The following WNT7B variants were observed in gnomAD, a reference collection of about 807,000 sequenced individuals.
WNT7B encodes protein Wnt-7b.
A neutral mutation model predicts 38.2 loss-of-function variants in WNT7B; 19 were observed. That is an observed-to-expected ratio of 0.50 (90% CI 0.35 to 0.73). The LOEUF is 0.73. Ranked by LOEUF, WNT7B falls within the 30% of genes least tolerant of loss-of-function variation. The pLI, the probability that WNT7B is intolerant of heterozygous loss-of-function variation, is 0.01. For missense variants in WNT7B, 423 were observed against 507.9 expected (o/e 0.83, Z 1.61); for synonymous variants, 243 against 209.3 (o/e 1.16, Z -1.39).
At chr22:45,969,628 A>G (rs1329892602) in intron 1 of WNT7B, among the ~76,000 whole-genome samples, 2 of 152,230 alleles carry the variant, frequency 1.3e-5, no homozygotes, top group Non-Finnish European at 2.9e-5. Flanking sequence ...GGGCGCTTCC[A>G]GGCCAACACA....
intron 3 of WNT7B, chr22:45,927,164 C>T (rs1931111244): frequency 3.0e-6 from 3 of 985,070 alleles, no homozygotes; most frequent in Non-Finnish European, 3.6e-6. Context: ...CTGCCTGCCC[C>T]ACGTAGCAGT....
At chr22:45,972,116 G>GCCCCCCCCCCCCCCC in intron 1 of WNT7B, 1 of 530,746 alleles carries the variant, frequency 1.9e-6, no homozygotes, top group Non-Finnish European at 3.3e-6. Context: ...CCCGGGGGGA[G>GCCCCCCCCCCCCCCC]CCCACCCGCC....
chr22:45,939,507 A>T lies in WNT7B; in HGVS notation c.299-8138T>A, dbSNP rs147203550. On this transcript the variant is annotated intron_variant, in intron 2 of 3. Transcript: ENST00000339464. The stretch of plus-strand genomic sequence containing the variant: ...GCTACAGTGTGGATAAAACTCAAAC[A>T]TATCGGCTGGGCACAGTGGCTCACG... 5.5e-3 allele frequency among the ~76,000 whole-genome samples: 836 copies of T among 152,318 alleles called. 9 individuals carry two copies. The highest frequency in any genetic ancestry group is 0.019 in the African/African-American group (806 of 41,558).
chr22:45,931,526 G>T lies in WNT7B; in HGVS notation c.299-157C>A, dbSNP rs918215647. Among the ~76,000 whole-genome samples the T allele has an allele frequency of 2.6e-5, 4 of 152,320 alleles. No homozygotes were observed. In the South Asian group the frequency reaches 8.3e-4, roughly 32 times the overall value. On this transcript the variant is annotated intron_variant, in intron 2 of 3. Transcript: ENST00000339464. ...TCTGTGCCTCTGACTCACCAAAGCG[G>T]GGCTGATGGGAGCCATCTCTCAGGG... is the stretch of plus-strand genomic sequence containing the variant.
chr22:45,934,942 G>A (rs562373478), intron 2 of WNT7B, among the ~76,000 whole-genome samples: 136 of 152,306 alleles, frequency 8.9e-4, no homozygotes, highest in African/African-American at 3.0e-3. Flanking sequence ...CCGTGCGCCC[G>A]GCACGTTGCC....
At chr22:45,943,227 G>A (rs1372990676) in intron 2 of WNT7B, among the ~76,000 whole-genome samples, 1 of 152,110 alleles carries the variant, frequency 6.6e-6, no homozygotes, top group African/African-American at 2.4e-5. Flanking sequence ...TCTCTCTCCA[G>A]CCCCACCCGG....
intron 2 of WNT7B, among the ~76,000 whole-genome samples, chr22:45,943,699 C>T (rs958161007): frequency 4.1e-4 from 63 of 152,212 alleles, no homozygotes; most frequent in African/African-American, 1.4e-3. Context: ...GGGTAAGCCA[C>T]ATGGTCTCCT....
At chr22:45,929,203 T>G (rs986199746) in intron 3 of WNT7B, among the ~76,000 whole-genome samples, 1 of 152,174 alleles carries the variant, frequency 6.6e-6, no homozygotes, top group Non-Finnish European at 1.5e-5. Context: ...CCCAGATGCC[T>G]CCAGGTAGGT....
intron 2 of WNT7B, among the ~76,000 whole-genome samples, chr22:45,931,697 A>C (rs1931366494): frequency 1.3e-5 from 2 of 152,190 alleles, no homozygotes; most frequent in Admixed American, 1.3e-4. Flanking sequence ...AAGACTGGGC[A>C]GGAGAGGCCC....
intron 3 of WNT7B, among the ~76,000 whole-genome samples, chr22:45,927,892 T>C (rs4074735): frequency 6.6e-6 from 1 of 152,012 alleles, no homozygotes; most frequent in African/African-American, 2.4e-5. Flanking sequence ...CAAGACTCCA[T>C]CTCAAAACAA....
chr22:45,942,866 T>C (rs560842216), intron 2 of WNT7B, among the ~76,000 whole-genome samples: 7 of 151,908 alleles, frequency 4.6e-5, no homozygotes, highest in African/African-American at 1.7e-4. Flanking sequence ...TGTGTGTGTG[T>C]GTGTGCGTGT....
chr22:45,963,630 A>C (rs1164255269), intron 1 of WNT7B, among the ~76,000 whole-genome samples: 2 of 151,960 alleles, frequency 1.3e-5, no homozygotes, highest in African/African-American at 4.8e-5. Context: ...GCAGGACCAG[A>C]CCCTGTGGCT....
At chr22:45,957,942 C>A (rs1932110970) in intron 1 of WNT7B, among the ~76,000 whole-genome samples, 1 of 152,210 alleles carries the variant, frequency 6.6e-6, no homozygotes, top group Admixed American at 6.5e-5. Flanking sequence ...CCACCAGGCC[C>A]TCAGCCTCTC....
At chr22:45,931,068 C>T (rs369762280) in intron 3 of WNT7B, 30 bp downstream of exon 3, 48 of 1,536,946 alleles carry the variant, frequency 3.1e-5, no homozygotes, top group African/African-American at 1.6e-4. Flanking sequence ...GTCCCAGCTA[C>T]GGCCCCCACC....
intron 3 of WNT7B, chr22:45,927,032 CAT>C: frequency 1.0e-6 from 1 of 985,446 alleles, no homozygotes; most frequent in African/African-American, 1.7e-5. Context: ...CTTCTAACCT[CAT>C]GTCACCAAGA....
chr22:45,958,418 T>C (rs1268656125), intron 1 of WNT7B, among the ~76,000 whole-genome samples: 1 of 151,796 alleles, frequency 6.6e-6, no homozygotes, highest in Non-Finnish European at 1.5e-5. Context: ...TGTTCAGGAG[T>C]TTCTCCCGCT....
chr22:45,943,313 G>A (rs1931712948), intron 2 of WNT7B, among the ~76,000 whole-genome samples: 1 of 152,242 alleles, frequency 6.6e-6, no homozygotes, highest in African/African-American at 2.4e-5. Flanking sequence ...CAGATCATTG[G>A]AAAAAGTCAT....
At chr22:45,933,195 G>A (rs901673538) in intron 2 of WNT7B, among the ~76,000 whole-genome samples, 6 of 152,232 alleles carry the variant, frequency 3.9e-5, no homozygotes, top group East Asian at 1.9e-4. Flanking sequence ...ACAGCTTCCC[G>A]GGAACTTCCT....
In WNT7B at chr22:45,939,251, G is replaced by A. The variant is rs181191822; in HGVS notation, c.299-7882C>T. 7.2e-5 allele frequency among the ~76,000 whole-genome samples: 11 copies of A among 152,280 alleles called. No individual in the cohort carries two copies. The South Asian group carries it at 1.5e-3, about 20-fold the overall frequency. ...TGGGCAGCTCCTCAAAAACTTAAAC[G>A]TAGGGTCACCATGTGACCCAGCACT... On this transcript the variant is annotated intron_variant, in intron 2 of 3. Transcript: ENST00000339464.
Sources: allele counts gnomAD v4.1 joint callset (sites outside exome capture counted in the v4.1 genomes callset), GRCh38; gene constraint gnomAD v4.1.1; transcripts MANE v1.5; gene names NCBI Gene and HGNC (gene_info 2026-07-23, HGNC 2026-07-21).